Variants in EML6 observed in about 807,000 individuals in gnomAD.
EML6 encodes EMAP like 6, also known as echinoderm microtubule-associated protein-like 6.
In EML6, 154 loss-of-function variants were observed where a neutral mutation model predicts 240.1. That is an observed-to-expected ratio of 0.64 (90% CI 0.56 to 0.73). The LOEUF (loss-of-function observed/expected upper bound fraction) is 0.73, where lower values mean the gene tolerates loss of function less well. EML6 is among the 30% of genes least tolerant of loss of function. The pLI, the probability that EML6 is intolerant of heterozygous loss-of-function variation, is 0.00. For synonymous variants in EML6, 1,148 were observed against 899.0 expected (o/e 1.28, Z -4.95); for missense variants, 2,964 against 2,474.6 (o/e 1.20, Z -4.20).
intron 25 of EML6, among the ~76,000 whole-genome samples, chr2:54,915,866 A>T (rs891746339): frequency 1.3e-5 from 2 of 152,222 alleles, no homozygotes; most frequent in Non-Finnish European, 1.5e-5. Context: ...AGAAACTGGA[A>T]TATTAAGGTA....
At chr2:54,943,812 T>C (rs1294987452) in intron 28 of EML6, among the ~76,000 whole-genome samples, 1 of 152,258 alleles carries the variant, frequency 6.6e-6, no homozygotes, top group Non-Finnish European at 1.5e-5. Context: ...TATAAAATTA[T>C]ATTTTACATT....
chr2:54,892,425 A>T, intron 18 of EML6, 29 bp from the exon 19 acceptor site: 1 of 1,491,436 alleles, frequency 6.7e-7, no homozygotes, highest in South Asian at 1.2e-5. Context: ...AGATTTTATA[A>T]AGTAATAACT....
At chr2:54,796,198 A>T (rs899367698) in intron 2 of EML6, among the ~76,000 whole-genome samples, 3 of 152,218 alleles carry the variant, frequency 2.0e-5, no homozygotes, top group Non-Finnish European at 4.4e-5. Context: ...CTCTCTCTCC[A>T]TATCTACATC....
At chr2:54,900,025 A>G (rs779590673) in intron 22 of EML6, among the ~76,000 whole-genome samples, 3 of 152,198 alleles carry the variant, frequency 2.0e-5, no homozygotes, top group Admixed American at 6.5e-5. Context: ...GATATTTGCC[A>G]CCTGGGGGCA....
intron 11 of EML6, among the ~76,000 whole-genome samples, chr2:54,855,391 C>T (rs1168956502): frequency 6.6e-6 from 1 of 152,034 alleles, no homozygotes; most frequent in Non-Finnish European, 1.5e-5. Flanking sequence ...TTTAGGACAG[C>T]ACCAAGAGGA....
At position 54,866,851 on chromosome 2, in the gene EML6, C is replaced by A. The variant is rs1363213772; in HGVS notation, c.2018C>A (p.Pro673His). 6.4e-7 allele frequency: 1 copy of A among 1,551,076 alleles called. No homozygotes were observed. Among genetic ancestry groups the A allele is most frequent in the African/African-American group, 1.4e-5 (1 of 73,150 alleles). ...AVPFLKREKA[P>H]EDSLKLQFIH... ...CCCTTCCTCAAACGAGAAAAGGCTC[C>A]TGAGGACAGCTTGAAACTCCAGTTC... Residue 673 changes from proline (P) to histidine (H), a missense_variant, in exon 14 of 42, where the codon CCT becomes CAT. Physicochemically the swap from Pro to His is moderately conservative, Grantham distance 77 (BLOSUM62 -2). Coordinates refer to ENST00000356458, the MANE Select transcript of EML6 (RefSeq NM_001039753.4).
chr2:54,868,901 T>C (rs1671107495), intron 14 of EML6: 2 of 351,046 alleles, frequency 5.7e-6, no homozygotes, highest in South Asian at 7.7e-5. Flanking sequence ...TCATCACAGA[T>C]GTGTTCTCAG....
intron 25 of EML6, among the ~76,000 whole-genome samples, chr2:54,913,327 A>G (rs943471228): frequency 2.0e-5 from 3 of 151,244 alleles, no homozygotes; most frequent in African/African-American, 4.9e-5. Context: ...GGCTCACTGT[A>G]ACCTTGACTT....
chr2:54,802,099 G>T (rs1411678715), intron 2 of EML6, among the ~76,000 whole-genome samples: 3 of 152,132 alleles, frequency 2.0e-5, no homozygotes, highest in Non-Finnish European at 4.4e-5. Context: ...GCTAGGCACG[G>T]TGCTGTTCTG....
intron 7 of EML6, among the ~76,000 whole-genome samples, chr2:54,842,459 T>G (rs3844022): frequency 0.11 from 17,188 of 152,168 alleles, 1,140 homozygotes; most frequent in East Asian, 0.33. Context: ...AATTACAGTC[T>G]ATATCTTAAG....
At chr2:54,853,603 C>T (rs948055807) in intron 10 of EML6, 40 bp from the exon 11 acceptor site, 24 of 1,228,874 alleles carry the variant, frequency 2.0e-5, no homozygotes, top group Non-Finnish European at 2.3e-5. Flanking sequence ...TTAGAATAAA[C>T]TTTTTATTTA....
chr2:54,953,950 C>T (rs976833393), intron 31 of EML6, 33 bp from the exon 32 acceptor site: 1 of 1,520,822 alleles, frequency 6.6e-7, no homozygotes, highest in Non-Finnish European at 8.9e-7. Flanking sequence ...CATTTGTCAG[C>T]CTTACTTCTT....
At chr2:54,855,913 T>G (rs943827300) in intron 11 of EML6, among the ~76,000 whole-genome samples, 1 of 152,134 alleles carries the variant, frequency 6.6e-6, no homozygotes, top group Non-Finnish European at 1.5e-5. Context: ...GTACAAGTAT[T>G]CCCTGTACAT....
intron 17 of EML6, among the ~76,000 whole-genome samples, chr2:54,890,616 A>T (rs953043321): frequency 1.3e-5 from 2 of 152,196 alleles, no homozygotes; most frequent in Non-Finnish European, 2.9e-5. Context: ...ACCCAGAGCA[A>T]TGCTTTCCAC....
intron 30 of EML6, 148 bp from the exon 31 acceptor site, chr2:54,952,446 C>G (rs978891861): frequency 1.7e-6 from 1 of 571,822 alleles, no homozygotes; most frequent in Non-Finnish European, 3.1e-6. Flanking sequence ...CCTTCATCTC[C>G]CCAAGTGTGA....
Position 54,968,739 on chromosome 2 carries a change from T to C in EML6, c.5823T>C (p.Tyr1941=). ...TCCGTTTCTCTTATGATGACAAGTA[T>C]GTGGTCAGCACTGGAGGAGACGACT... ...TNIRFSYDDK[Y]VVSTGGDDCS... is the part of the protein sequence containing the mutation. The change falls in exon 41 of 42, where the codon TAT becomes TAC. Residue 1941 remains tyrosine (Y), a synonymous_variant. Coordinates refer to ENST00000356458, the MANE Select transcript of EML6 (RefSeq NM_001039753.4). The C allele has an allele frequency of 6.5e-7, 1 of 1,549,468 alleles. No individual in the cohort carries two copies. Among genetic ancestry groups the C allele is most frequent in the Non-Finnish European group, 8.7e-7 (1 of 1,144,848 alleles).
intron 5 of EML6, among the ~76,000 whole-genome samples, chr2:54,823,466 T>C (rs1668425389): frequency 6.8e-6 from 1 of 148,132 alleles, no homozygotes; most frequent in East Asian, 2.0e-4. Flanking sequence ...TAGTTTTTTT[T>C]AGGGAACAAA....
chr2:54,901,905 C>G (rs1162376932), intron 22 of EML6, among the ~76,000 whole-genome samples: 1 of 152,202 alleles, frequency 6.6e-6, no homozygotes, highest in East Asian at 1.9e-4. Flanking sequence ...AAAGTCCATG[C>G]TCCTGATTCA....
intron 13 of EML6, among the ~76,000 whole-genome samples, chr2:54,866,236 C>T (rs1670963074): frequency 6.6e-6 from 1 of 152,168 alleles, no homozygotes; most frequent in Admixed American, 6.5e-5. Flanking sequence ...CAGTAAACAA[C>T]AGATGGGTTT....
Sources: allele counts gnomAD v4.1 joint callset (sites outside exome capture counted in the v4.1 genomes callset), GRCh38; gene constraint gnomAD v4.1.1; transcripts MANE v1.5; gene names NCBI Gene and HGNC (gene_info 2026-07-23, HGNC 2026-07-21).